UBE3C: variants seen among roughly 807,000 people sequenced by gnomAD.
UBE3C encodes ubiquitin-protein ligase E3C.
In UBE3C, 42 loss-of-function variants were observed where a neutral mutation model predicts 129.4. That is an observed-to-expected ratio of 0.32 (90% confidence interval 0.25 to 0.42). UBE3C has a LOEUF of 0.42. UBE3C is among the 10% of genes least tolerant of loss of function. UBE3C has a pLI of 1.00. For synonymous variants in UBE3C, 510 were observed against 492.4 expected, an observed-to-expected ratio of 1.04 and a Z score of -0.47; for missense variants, 1,049 against 1,319.1, an observed-to-expected ratio of 0.80 and a Z score of 3.17.
chr7:157,217,134 T>G, intron 14 of UBE3C, 163 bp downstream of exon 14: 1 of 549,700 alleles, frequency 1.8e-6, no homozygotes, highest in South Asian at 2.3e-5. Flanking sequence ...AACTTCTTAA[T>G]GGAACATATA....
intron 18 of UBE3C, among the ~76,000 whole-genome samples, chr7:157,239,305 C>T (rs1159570640): frequency 1.3e-5 from 2 of 152,164 alleles, no homozygotes; most frequent in Non-Finnish European, 2.9e-5. Context: ...GAGTGAACGG[C>T]ACAGACCTAA....
At chr7:157,264,176 G>T (rs992548360) in intron 22 of UBE3C, among the ~76,000 whole-genome samples, 7 of 148,628 alleles carry the variant, frequency 4.7e-5, no homozygotes, top group Non-Finnish European at 8.9e-5. Context: ...AACATGTTCG[G>T]CCTGTTAAGC....
intron 13 of UBE3C, among the ~76,000 whole-genome samples, chr7:157,211,863 G>A (rs1314272744): frequency 6.6e-6 from 1 of 152,196 alleles, no homozygotes; most frequent in Non-Finnish European, 1.5e-5. Context: ...AAGGAGACAT[G>A]CATTCAGCTA....
intron 2 of UBE3C, 111 bp from the exon 3 acceptor site, chr7:157,168,937 T>G (rs2116879826): frequency 1.3e-6 from 1 of 775,946 alleles, no homozygotes; most frequent in Non-Finnish European, 2.2e-6. Flanking sequence ...GAATGAATTT[T>G]ATGGTATGTG....
intron 6 of UBE3C, among the ~76,000 whole-genome samples, chr7:157,180,487 A>T (rs771013104): frequency 1.3e-5 from 2 of 152,286 alleles, no homozygotes; most frequent in South Asian, 4.1e-4. Flanking sequence ...AGTACTGAGT[A>T]TGCATTGTTT....
rs180686415 is a variant in UBE3C, at chr7:157,189,982, G to A, written c.1331+2961G>A. ...TGCCCAGCTAATTTTTGTATTTTTAGTAGAGATGGGGTTTCACCATGTAGG... is the reference window on the plus strand; with the variant it reads ...TGCCCAGCTAATTTTTGTATTTTTAATAGAGATGGGGTTTCACCATGTAGG... On this transcript the variant is annotated intron_variant, in intron 10 of 22. Coordinates refer to ENST00000348165, the MANE Select transcript of UBE3C (RefSeq NM_014671.3). Among the ~76,000 whole-genome samples the A allele has an allele frequency of 1.9e-3, 292 of 152,204 alleles. 2 individuals are homozygous for A. Among genetic ancestry groups the A allele is most frequent in the African/African-American group, 6.4e-3 (267 of 41,536 alleles).
chr7:157,178,011 G>A (rs1455344308), intron 5 of UBE3C, among the ~76,000 whole-genome samples: 2 of 151,656 alleles, frequency 1.3e-5, no homozygotes, highest in African/African-American at 2.4e-5. Context: ...AAATAAGTTC[G>A]GTGTTAGACA....
In UBE3C at chr7:157,223,750, T is replaced by C. The variant is rs544315049; in HGVS notation, c.2100+399T>C. ...GCCTGGGAAACATAGTGAAACCCTG[T>C]CTCTACAAAGAATACAAAAGTTAGT... is the stretch of plus-strand genomic sequence containing the variant. On this transcript the variant is annotated intron_variant, in intron 16 of 22. Coordinates refer to ENST00000348165, the MANE Select transcript of UBE3C (RefSeq NM_014671.3). Among the ~76,000 whole-genome samples the C allele has an allele frequency of 1.6e-4, 24 of 152,208 alleles. No individual in the cohort carries two copies. In the South Asian group the frequency reaches 5.0e-3, roughly 32 times the overall value.
intron 1 of UBE3C, among the ~76,000 whole-genome samples, chr7:157,145,824 C>A (rs1807589319): frequency 6.6e-6 from 1 of 152,134 alleles, no homozygotes; most frequent in Non-Finnish European, 1.5e-5. Flanking sequence ...ATAGAGTCCT[C>A]AAAACCTCCT....
chr7:157,145,964 C>T (rs542695807), intron 1 of UBE3C, among the ~76,000 whole-genome samples: 4 of 152,130 alleles, frequency 2.6e-5, no homozygotes, highest in African/African-American at 7.2e-5. Context: ...TTGCTTCTCG[C>T]GTTGTGTCTA....
intron 13 of UBE3C, among the ~76,000 whole-genome samples, chr7:157,215,523 T>A (rs1795535915): frequency 6.8e-6 from 1 of 148,086 alleles, no homozygotes. Flanking sequence ...TTTATAACTA[T>A]AATATAAATT....
chr7:157,190,559 C>T lies in UBE3C; in HGVS notation c.1331+3538C>T, dbSNP rs534070029. On this transcript the variant is annotated intron_variant, in intron 10 of 22. Coordinates refer to ENST00000348165, the MANE Select transcript of UBE3C (RefSeq NM_014671.3). ...ACAGATTAGAACACACCCACCCTCA[C>T]GGAAGGTGCTGGTGGGCGGTGCTGC... Among the ~76,000 whole-genome samples the T allele has an allele frequency of 2.3e-4, 35 of 152,244 alleles. No individual in the cohort carries two copies. The South Asian group carries it at 5.6e-3, about 24-fold the overall frequency.
chr7:157,195,652 A>T (rs1809098688), intron 10 of UBE3C, among the ~76,000 whole-genome samples: 1 of 152,204 alleles, frequency 6.6e-6, no homozygotes, highest in Non-Finnish European at 1.5e-5. Flanking sequence ...AAGTGCACAG[A>T]TGGAGGAGAA....
chr7:157,246,496 A>G (rs1245752713), intron 18 of UBE3C, among the ~76,000 whole-genome samples: 3 of 152,218 alleles, frequency 2.0e-5, no homozygotes, highest in Non-Finnish European at 4.4e-5. Flanking sequence ...TGACTGTCTC[A>G]TGGATGAATG....
At chr7:157,178,479 G>A (rs187069850) in intron 5 of UBE3C, among the ~76,000 whole-genome samples, 25 of 152,246 alleles carry the variant, frequency 1.6e-4, no homozygotes, top group Admixed American at 9.2e-4. Context: ...CCAGCATACC[G>A]TTTGGCACAT....
rs76888369 is a variant in UBE3C at position 157,140,209 on chromosome 7, C to T, written c.66+871C>T. Among the ~76,000 whole-genome samples the T allele has an allele frequency of 8.8e-3, 1,268 of 143,488 alleles. 20 individuals carry two copies. Among genetic ancestry groups the T allele is most frequent in the South Asian group, 0.053 (222 of 4,190 alleles). 94.1% of individuals were successfully genotyped at this position (143,488 alleles called of 152,430 possible). On this transcript the variant is annotated intron_variant, in intron 1 of 22. Coordinates refer to ENST00000348165, the MANE Select transcript of UBE3C (RefSeq NM_014671.3). ...CATTTCTGAAATGTTCTTTAAAATG[C>T]TTCACCTAGTTTTTCTTGTCTATCA...
chr7:157,151,122 G>A (rs549336799), intron 1 of UBE3C, among the ~76,000 whole-genome samples: 3 of 152,310 alleles, frequency 2.0e-5, no homozygotes, highest in East Asian at 3.9e-4. Context: ...GAGGGGAGTC[G>A]GGCTCCACCC....
chr7:157,267,461 G>A (rs181279243), intron 22 of UBE3C, 124 bp from the exon 23 acceptor site: 22 of 1,215,036 alleles, frequency 1.8e-5, no homozygotes, highest in African/African-American at 1.1e-4. Context: ...ATGTGGTTTC[G>A]GGAAAATGTG....
chr7:157,139,532 C>T (rs949314224), intron 1 of UBE3C, among the ~76,000 whole-genome samples, 194 bp downstream of exon 1: 1 of 151,920 alleles, frequency 6.6e-6, no homozygotes. Context: ...GGGTTGGACT[C>T]GGAGCCGAGA....
Sources: allele counts gnomAD v4.1 joint callset (sites outside exome capture counted in the v4.1 genomes callset), GRCh38; gene constraint gnomAD v4.1.1; transcripts MANE v1.5; gene names NCBI Gene and HGNC (gene_info 2026-07-23, HGNC 2026-07-21).